ABCB9: variants seen among roughly 807,000 people sequenced by gnomAD.
ABCB9 encodes the protein ATP binding cassette subfamily B member 9.
ABCB9 carries 36 observed loss-of-function variants against 62.0 expected under a neutral mutation model. The ratio of observed to expected loss-of-function variants is 0.58; its 90% CI spans 0.45 to 0.77. ABCB9 has a LOEUF of 0.77. Among genes scored for constraint, ABCB9 ranks in the 30% least tolerant of loss-of-function variants. The pLI, the probability that ABCB9 is intolerant of heterozygous loss-of-function variation, is 0.00. For missense variants in ABCB9, 943 were observed against 1,054.7 expected, an observed-to-expected ratio of 0.89 and a Z score of 1.47; for synonymous variants, 435 against 461.4, an observed-to-expected ratio of 0.94 and a Z score of 0.73.
intron 4 of ABCB9, chr12:122,949,160 G>A (rs545100756): frequency 4.5e-6 from 1 of 223,748 alleles, no homozygotes; most frequent in African/African-American, 2.3e-5. Context: ...CTGGCAGAGG[G>A]GGTAACTCCT....
rs772814940 is a variant in ABCB9, at chr12:122,950,414, G to C, written c.716+37C>G. ...CCCTTCCCTCCCTGGTGCAGGTCGG[G>C]GTGTGCGGGGCAGGGCGTGGGGGTT... On this transcript the variant is annotated intron_variant, in intron 3 of 11. Coordinates refer to ENST00000280560, the MANE Select transcript of ABCB9 (RefSeq NM_019625.4). 33 of 1,566,468 alleles carry C rather than the reference G, an allele frequency of 2.1e-5. No individual in the cohort carries two copies. The South Asian group carries it at 3.3e-4, about 16-fold the overall frequency.
At chr12:122,949,366 C>T (rs909777239) in intron 4 of ABCB9, 1 of 189,116 alleles carries the variant, frequency 5.3e-6, no homozygotes, top group Non-Finnish European at 1.1e-5. Flanking sequence ...AGGGCTTCGA[C>T]CCAGGCCGGT....
intron 1 of ABCB9, among the ~76,000 whole-genome samples, chr12:122,973,591 A>C (rs1408934472): frequency 2.9e-5 from 4 of 136,324 alleles, no homozygotes; most frequent in African/African-American, 5.5e-5. Context: ...AAAAAAAAAA[A>C]AAAAAAAAAA....
In ABCB9 at chr12:122,937,305, G is replaced by A. The variant is rs1431559696; in HGVS notation, c.1744-1874C>T. ...ACCCAGGAGGAAGAAGTTGCAGTGA[G>A]CCGAGATCATGCCACAGCACTCTAG... On this transcript the variant is annotated intron_variant, in intron 9 of 11. Coordinates refer to ENST00000280560, the MANE Select transcript of ABCB9 (RefSeq NM_019625.4). 2.6e-5 allele frequency among the ~76,000 whole-genome samples: 4 copies of A among 151,578 alleles called. No individual in the cohort carries two copies. The East Asian group carries it at 5.8e-4, about 22-fold the overall frequency.
chr12:122,939,226 G>C (rs1594001524), intron 9 of ABCB9, among the ~76,000 whole-genome samples: 1 of 152,158 alleles, frequency 6.6e-6, no homozygotes, highest in South Asian at 2.1e-4. Context: ...AAATAATTGT[G>C]ATAAACATAT....
chr12:122,924,637 A>C, downstream of ABCB9: 1 of 1,462,792 alleles, frequency 6.8e-7, no homozygotes, highest in Non-Finnish European at 9.1e-7. Context: ...TGTGGGAAAG[A>C]AACAATGACA....
rs1468726345 is a variant in ABCB9 at position 122,932,788 on chromosome 12, A to G, written c.1904-460T>C. Among the ~76,000 whole-genome samples, 2 of 152,176 alleles carry G rather than the reference A, an allele frequency of 1.3e-5. No individual in the cohort carries two copies. The highest frequency in any genetic ancestry group is 2.9e-5 in the Non-Finnish European group (2 of 68,022). On this transcript the variant is annotated intron_variant, in intron 10 of 11. Coordinates refer to ENST00000280560, the MANE Select transcript of ABCB9 (RefSeq NM_019625.4). This position sits in a 1 kb window ranked among gnomAD's most constrained non-coding sequence, Gnocchi z 4.7. ...TTTCCCCATGGACCGACTTCCTCCC[A>G]TGCACAACAATATAGACACAGGTCA...
upstream of ABCB9, among the ~76,000 whole-genome samples, chr12:122,967,805 T>C (rs141843260): frequency 3.8e-3 from 572 of 152,326 alleles, 2 homozygotes; most frequent in African/African-American, 0.013. Flanking sequence ...CAGAGGCTTT[T>C]TGGAGCACTC....
At chr12:122,946,571 T>A (rs901759276) in intron 5 of ABCB9, 2 of 309,054 alleles carry the variant, frequency 6.5e-6, no homozygotes, top group African/African-American at 4.2e-5. Flanking sequence ...CACCTGACCC[T>A]GTGCTGGAAG....
downstream of ABCB9, among the ~76,000 whole-genome samples, chr12:122,926,798 G>A (rs1215009640): frequency 6.6e-6 from 1 of 152,088 alleles, no homozygotes; most frequent in Non-Finnish European, 1.5e-5. Context: ...TACTCTGAAG[G>A]CTGAGGTGGG....
intron 1 of ABCB9, among the ~76,000 whole-genome samples, chr12:122,972,037 C>CTTTTTTTTTTTTTTTTTTTTTTTTTTTT (rs57112984): frequency 2.0e-5 from 2 of 99,270 alleles, no homozygotes. Context: ...TTCATAATGT[C>CTTTTTTTTTTTTTTTTTTTTTTTTTTTT]TTTTTTTTTT....
At chr12:122,936,846 G>C (rs1345071637) in intron 9 of ABCB9, among the ~76,000 whole-genome samples, 1 of 151,474 alleles carries the variant, frequency 6.6e-6, no homozygotes, top group African/African-American at 2.4e-5. Context: ...GGAGGATGTG[G>C]TGAGCTGAGA....
chr12:122,973,578 G>GAAAAAAAAA lies in ABCB9; in HGVS notation c.-88+1128_-88+1136dup, dbSNP rs57853191. The stretch of plus-strand genomic sequence containing the variant: ...AGAGCGAGACTCCGTCTCAAAAAAA[G>GAAAAAAAAA]AAAAAAAAAAAAAAAAAAAAAAAAA... On this transcript the variant is annotated intron_variant, in intron 1 of 11. Coordinates refer to the ABCB9 transcript ENST00000392439. 1.5e-3 allele frequency among the ~76,000 whole-genome samples: 78 copies of GAAAAAAAAA among 50,346 alleles called. 4 individuals carry two copies. Among genetic ancestry groups the GAAAAAAAAA allele is most frequent in the East Asian group, 2.1e-3 (3 of 1,406 alleles). The allele number at this position is 50,346 out of a possible 152,430, so 33.0% of individuals were successfully genotyped here.
intron 1 of ABCB9, among the ~76,000 whole-genome samples, chr12:122,963,217 G>C (rs977618307): frequency 4.6e-5 from 7 of 152,200 alleles, no homozygotes; most frequent in African/African-American, 1.4e-4. Flanking sequence ...AGAATCACTT[G>C]AAACTGGGAG....
At chr12:122,973,960 G>C (rs918428678) in intron 1 of ABCB9, among the ~76,000 whole-genome samples, 1 of 152,250 alleles carries the variant, frequency 6.6e-6, no homozygotes, top group African/African-American at 2.4e-5. Flanking sequence ...CAGGAAAACT[G>C]CTTGAATCCG....
intron 11 of ABCB9, among the ~76,000 whole-genome samples, chr12:122,922,199 G>T (rs1273750611): frequency 1.3e-5 from 2 of 152,074 alleles, no homozygotes; most frequent in South Asian, 2.1e-4. Flanking sequence ...TCATGCCAGG[G>T]TTTGTTTAGT....
chr12:122,925,565 G>A (rs2034877243), downstream of ABCB9, among the ~76,000 whole-genome samples: 1 of 152,110 alleles, frequency 6.6e-6, no homozygotes, highest in Non-Finnish European at 1.5e-5. Context: ...TGGCTAACGC[G>A]GTGAAACCCC....
Position 122,944,715 on chromosome 12 carries a change from G to T in ABCB9, c.1252-196C>A. 1.5e-6 allele frequency: 1 copy of T among 660,166 alleles called. No homozygotes were observed. The allele number at this position is 660,166 out of a possible 1,614,324, so 40.9% of individuals were successfully genotyped here. A position where few individuals can be genotyped will look rare whatever the true frequency, so the allele number is the denominator to read the frequency against. ...CTGCCCCGAGCATTTCCCTACAGAG[G>T]CCTCCAGCTGGAGCAGGCTGTGGGC... On this transcript the variant is annotated intron_variant, in intron 6 of 11. Coordinates refer to ENST00000280560, the MANE Select transcript of ABCB9 (RefSeq NM_019625.4). This position sits in a 1 kb window ranked among gnomAD's most constrained non-coding sequence, Gnocchi z 4.9.
At chr12:122,955,081 G>A (rs533490623) in intron 2 of ABCB9, among the ~76,000 whole-genome samples, 16 of 152,272 alleles carry the variant, frequency 1.1e-4, no homozygotes, top group Admixed American at 5.2e-4. Context: ...ACAGGTACAT[G>A]GCATTGCACC....
Sources: allele counts gnomAD v4.1 joint callset (sites outside exome capture counted in the v4.1 genomes callset), GRCh38; gene constraint gnomAD v4.1.1; non-coding constraint Gnocchi (gnomAD v3.1); transcripts MANE v1.5; gene names NCBI Gene and HGNC (gene_info 2026-07-23, HGNC 2026-07-21).